UNC5C: variants seen among roughly 807,000 people sequenced by gnomAD.
UNC5C encodes the protein unc-5 netrin receptor C.
A neutral mutation model predicts 99.8 loss-of-function variants in UNC5C; 47 were observed. That is an observed-to-expected ratio of 0.47 (90% CI 0.37 to 0.60). The LOEUF is 0.60. Ranked by LOEUF, UNC5C falls within the 20% of genes least tolerant of loss-of-function variation. UNC5C has a pLI of 0.00. For missense variants in UNC5C, 1,062 were observed against 1,165.9 expected, an observed-to-expected ratio of 0.91 and a Z score of 1.30; for synonymous variants, 487 against 452.2, an observed-to-expected ratio of 1.08 and a Z score of -0.98.
intron 1 of UNC5C, among the ~76,000 whole-genome samples, chr4:95,466,013 C>G (rs1373377393): frequency 6.6e-6 from 1 of 152,242 alleles, no homozygotes; most frequent in African/African-American, 2.4e-5. Context: ...TTCTGATGAG[C>G]CTGTATACTG....
intron 1 of UNC5C, among the ~76,000 whole-genome samples, chr4:95,404,185 G>A (rs1056662328): frequency 6.6e-6 from 1 of 152,080 alleles, no homozygotes; most frequent in Non-Finnish European, 1.5e-5. Context: ...TTGGGGAGAG[G>A]TCCAGGTATA....
At chr4:95,388,578 C>A (rs1745273717) in intron 1 of UNC5C, among the ~76,000 whole-genome samples, 1 of 152,150 alleles carries the variant, frequency 6.6e-6, no homozygotes, top group Non-Finnish European at 1.5e-5. Context: ...TGCTTTCCTT[C>A]TTCTTAACTC....
chr4:95,193,141 C>T (rs1321034792), intron 12 of UNC5C, among the ~76,000 whole-genome samples: 1 of 152,216 alleles, frequency 6.6e-6, no homozygotes, highest in East Asian at 1.9e-4. Context: ...AGGCAGTCTT[C>T]ATGTTTGAGA....
At chr4:95,196,455 T>C (rs1041731167) in intron 12 of UNC5C, among the ~76,000 whole-genome samples, 3 of 152,006 alleles carry the variant, frequency 2.0e-5, no homozygotes, top group African/African-American at 7.2e-5. Context: ...TCCTGAAAGG[T>C]ATAAAATAAT....
chr4:95,367,458 C>T (rs943147767), intron 1 of UNC5C, among the ~76,000 whole-genome samples: 3 of 151,970 alleles, frequency 2.0e-5, no homozygotes, highest in Non-Finnish European at 4.4e-5. Flanking sequence ...GGATTACAGG[C>T]GTGAGCCACC....
intron 7 of UNC5C, among the ~76,000 whole-genome samples, chr4:95,239,616 G>C (rs1739256058): frequency 6.6e-6 from 1 of 151,972 alleles, no homozygotes; most frequent in Non-Finnish European, 1.5e-5. Context: ...CTTCATTTTT[G>C]GCATTTGAGG....
At chr4:95,464,044 G>A (rs1371519698) in intron 1 of UNC5C, among the ~76,000 whole-genome samples, 6 of 152,130 alleles carry the variant, frequency 3.9e-5, no homozygotes, top group Non-Finnish European at 5.9e-5. Flanking sequence ...ATACTTTTGC[G>A]TAAGCTGAAA....
intron 10 of UNC5C, among the ~76,000 whole-genome samples, chr4:95,215,730 G>A (rs1738223491): frequency 6.6e-6 from 1 of 152,164 alleles, no homozygotes; most frequent in Non-Finnish European, 1.5e-5. Flanking sequence ...GATTGGAGGA[G>A]TTGTCCAATC....
intron 3 of UNC5C, among the ~76,000 whole-genome samples, chr4:95,285,503 CAGAG>C (rs1410455671): frequency 6.6e-6 from 1 of 152,082 alleles, no homozygotes; most frequent in African/African-American, 2.4e-5. Flanking sequence ...TATTATTACT[CAGAG>C]AGTTCTGAAA....
At chr4:95,390,620 T>A (rs1483744) in intron 1 of UNC5C, among the ~76,000 whole-genome samples, 51,403 of 152,044 alleles carry the variant, frequency 0.34, 9,025 homozygotes, top group Middle Eastern at 0.43. Flanking sequence ...CTACAAACTT[T>A]TAGTTCTAAA....
rs759541037 is a variant in UNC5C, at chr4:95,266,258, G to A, written c.594+12001C>T. ...CTGCTAGTGTATGTACAGAAGAGATGTCATATCTCTAGCCTTTCTACATGG... is the reference window on the plus strand; with the variant it reads ...CTGCTAGTGTATGTACAGAAGAGATATCATATCTCTAGCCTTTCTACATGG... On this transcript the variant is annotated intron_variant, in intron 4 of 15. Transcript: ENST00000453304. Among the ~76,000 whole-genome samples, 5 of 152,260 alleles carry A rather than the reference G, an allele frequency of 3.3e-5. 1 individual carries two copies. In the Middle Eastern group the frequency reaches 0.014, roughly 414 times the overall value.
intron 4 of UNC5C, among the ~76,000 whole-genome samples, chr4:95,263,363 T>C (rs968418359): frequency 2.6e-5 from 4 of 152,164 alleles, no homozygotes; most frequent in Non-Finnish European, 4.4e-5. Flanking sequence ...CTTTTAGGGA[T>C]ATGCTAGCAA....
chr4:95,531,077 T>G (rs1440087821), intron 1 of UNC5C, among the ~76,000 whole-genome samples: 3 of 152,182 alleles, frequency 2.0e-5, no homozygotes, highest in Non-Finnish European at 2.9e-5. Context: ...GTTTTAGACT[T>G]CATAATTTAA....
intron 1 of UNC5C, among the ~76,000 whole-genome samples, chr4:95,533,909 A>G (rs544101517): frequency 6.6e-6 from 1 of 152,306 alleles, no homozygotes; most frequent in South Asian, 2.1e-4. Context: ...ATTCCTACAA[A>G]TTCAATGTTC....
intron 1 of UNC5C, among the ~76,000 whole-genome samples, chr4:95,506,493 C>T (rs183920272): frequency 6.6e-6 from 1 of 151,954 alleles, no homozygotes; most frequent in African/African-American, 2.4e-5. Flanking sequence ...TATCCTGTCA[C>T]TCACATATTT....
rs139351286 is a variant in UNC5C, at chr4:95,317,331, A to G, written c.347-15582T>C. On this transcript the variant is annotated intron_variant, in intron 2 of 15. Transcript: ENST00000453304. Reference sequence around the variant, plus strand: ...GAAGCTGAGGAAATCAGGGGGAAAAATCTATTGAATTCAAGCCATCTGGGA... The same window carrying G: ...GAAGCTGAGGAAATCAGGGGGAAAAGTCTATTGAATTCAAGCCATCTGGGA... 3.8e-3 allele frequency among the ~76,000 whole-genome samples: 579 copies of G among 152,282 alleles called. 6 individuals carry two copies. The highest frequency in any genetic ancestry group is 6.1e-3 in the Non-Finnish European group (414 of 68,024).
At chr4:95,359,764 T>C (rs1367233072) in intron 1 of UNC5C, among the ~76,000 whole-genome samples, 1 of 152,142 alleles carries the variant, frequency 6.6e-6, no homozygotes, top group East Asian at 1.9e-4. Flanking sequence ...GAAAGCTTGG[T>C]TTTGAAAATA....
chr4:95,419,526 G>T (rs2077648087), intron 1 of UNC5C, among the ~76,000 whole-genome samples: 1 of 152,166 alleles, frequency 6.6e-6, no homozygotes, highest in African/African-American at 2.4e-5. Flanking sequence ...CTTCAGAGAG[G>T]ATATGCTATG....
At chr4:95,490,727 T>C (rs924193110) in intron 1 of UNC5C, among the ~76,000 whole-genome samples, 1 of 151,770 alleles carries the variant, frequency 6.6e-6, no homozygotes, top group Non-Finnish European at 1.5e-5. Context: ...CATCTAAAGA[T>C]AGGCCGTTAA....
Sources: allele counts gnomAD v4.1 joint callset (sites outside exome capture counted in the v4.1 genomes callset), GRCh38; gene constraint gnomAD v4.1.1; transcripts MANE v1.5; gene names NCBI Gene and HGNC (gene_info 2026-07-23, HGNC 2026-07-21).